Variants in SPRED2 observed in about 807,000 individuals in gnomAD.
SPRED2 encodes the protein sprouty-related, EVH1 domain-containing protein 2.
In SPRED2, 47 loss-of-function variants were observed where a neutral mutation model predicts 43.0. The ratio of observed to expected loss-of-function variants is 1.09; its 90% CI spans 0.87 to 1.40. The LOEUF is 1.40. SPRED2 is among the 40% of genes most tolerant of loss of function. The pLI, the probability that SPRED2 is intolerant of heterozygous loss-of-function variation, is 0.00. For missense variants in SPRED2, 561 were observed against 586.4 expected, an observed-to-expected ratio of 0.96 and a Z score of 0.45; for synonymous variants, 225 against 225.7, an observed-to-expected ratio of 1.00 and a Z score of 0.03.
intron 1 of SPRED2, among the ~76,000 whole-genome samples, chr2:65,431,705 G>T (rs943581849): frequency 1.2e-4 from 19 of 152,096 alleles, no homozygotes; most frequent in Non-Finnish European, 2.5e-4. Context: ...ACCGCCGGGA[G>T]GTCACCCGCA....
At chr2:65,358,751 G>T (rs1558667503) in intron 1 of SPRED2, among the ~76,000 whole-genome samples, 1 of 152,188 alleles carries the variant, frequency 6.6e-6, no homozygotes, top group Non-Finnish European at 1.5e-5. Context: ...GGGCAACTGG[G>T]TTCCCAATCC....
chr2:65,359,982 T>C (rs1238946041), intron 1 of SPRED2, among the ~76,000 whole-genome samples: 3 of 139,922 alleles, frequency 2.1e-5, no homozygotes, highest in Non-Finnish European at 4.5e-5. Flanking sequence ...GGAGAATCGC[T>C]AGAACCCCGG....
At chr2:65,308,207 G>T, downstream of SPRED2, 1 of 702,890 alleles carries the variant, frequency 1.4e-6, no homozygotes, top group Non-Finnish European at 1.7e-6. Flanking sequence ...GAAGCGGGGT[G>T]GGAGGTTCAG....
At chr2:65,321,332 T>A (rs536882901) in intron 4 of SPRED2, among the ~76,000 whole-genome samples, 119 of 152,092 alleles carry the variant, frequency 7.8e-4, no homozygotes, top group Non-Finnish European at 1.2e-3. Context: ...CTAAAAACAC[T>A]CTTGCCTTTG....
At chr2:65,362,426 C>T (rs193034969) in intron 1 of SPRED2, among the ~76,000 whole-genome samples, 17 of 152,238 alleles carry the variant, frequency 1.1e-4, no homozygotes, top group Non-Finnish European at 1.6e-4. Flanking sequence ...CCCGACACCA[C>T]GCCCAGCTAA....
At chr2:65,326,954 C>T (rs1282479153) in intron 4 of SPRED2, among the ~76,000 whole-genome samples, 1 of 152,140 alleles carries the variant, frequency 6.6e-6, no homozygotes, top group Non-Finnish European at 1.5e-5. Flanking sequence ...GATCCTCCCA[C>T]CTCAGCCTCC....
In SPRED2 at chr2:65,402,278, C is replaced by CAA. The variant is rs58209803; in HGVS notation, c.26+29682_26+29683dup. Among the ~76,000 whole-genome samples the CAA allele has an allele frequency of 3.9e-4, 25 of 64,398 alleles. 1 individual carries two copies. Among genetic ancestry groups the CAA allele is most frequent in the African/African-American group, 1.0e-3 (14 of 14,026 alleles). 42.2% of individuals were successfully genotyped at this position (64,398 alleles called of 152,430 possible). ...TGGGAGACAGAGTGAGACTCTGTCT[C>CAA]AAAAAAAAAAAAAAAAAAAAAAAAA... On this transcript the variant is annotated intron_variant, in intron 1 of 5. Coordinates refer to ENST00000356388, the MANE Select transcript of SPRED2 (RefSeq NM_181784.3).
chr2:65,351,834 T>C (rs1674520032), intron 1 of SPRED2, among the ~76,000 whole-genome samples: 1 of 152,092 alleles, frequency 6.6e-6, no homozygotes, highest in Non-Finnish European at 1.5e-5. Flanking sequence ...AGTCGGGTGG[T>C]GGTTTTGTGG....
At chr2:65,316,161 G>A (rs563157651) in intron 5 of SPRED2, among the ~76,000 whole-genome samples, 11 of 152,210 alleles carry the variant, frequency 7.2e-5, no homozygotes, top group Non-Finnish European at 1.3e-4. Flanking sequence ...CCATGATTTG[G>A]GAACTTGCTC....
intron 4 of SPRED2, among the ~76,000 whole-genome samples, chr2:65,326,212 C>T (rs914181982): frequency 6.6e-6 from 1 of 152,148 alleles, no homozygotes; most frequent in Non-Finnish European, 1.5e-5. Flanking sequence ...TAAGTATTTA[C>T]AACTCCCCCC....
intron 5 of SPRED2, among the ~76,000 whole-genome samples, chr2:65,316,257 G>GC (rs2104115926): frequency 6.6e-6 from 1 of 152,340 alleles, no homozygotes; most frequent in East Asian, 1.9e-4. Flanking sequence ...TGGGCCTGTA[G>GC]CCTGTAAGGC....
chr2:65,338,162 C>CT (rs1674025022), intron 2 of SPRED2, among the ~76,000 whole-genome samples: 1 of 132,702 alleles, frequency 7.5e-6, no homozygotes, highest in Admixed American at 7.5e-5. Flanking sequence ...CTCCCGTCTC[C>CT]CTCTCCCGTC....
At chr2:65,394,479 C>T (rs1675708166) in intron 1 of SPRED2, among the ~76,000 whole-genome samples, 2 of 152,134 alleles carry the variant, frequency 1.3e-5, no homozygotes, top group African/African-American at 2.4e-5. Flanking sequence ...ATGAGAAAGG[C>T]CTCTGGGTCA....
chr2:65,344,879 C>T lies in SPRED2; in HGVS notation c.44G>A (p.Arg15His), dbSNP rs201473537. 2.7e-5 allele frequency: 44 copies of T among 1,613,946 alleles called. No homozygotes were observed. Among genetic ancestry groups the T allele is most frequent in the Middle Eastern group, 1.6e-4 (1 of 6,084 alleles). Residue 15 changes from arginine to histidine, a missense_variant, in exon 2 of 6, where the codon CGT becomes CAT. Arg to His is a conservative substitution (Grantham distance 29). Coordinates refer to ENST00000356388, the MANE Select transcript of SPRED2 (RefSeq NM_181784.3). ...THPDDDSYIVRVKAVVMTRDD... is the reference protein window; with the variant it reads ...THPDDDSYIVHVKAVVMTRDD... ...TCTGGTCATAACCACAGCCTTGACACGCACAATATAGCTGTCACTAAAACG... is the reference window on the plus strand; with the variant it reads ...TCTGGTCATAACCACAGCCTTGACATGCACAATATAGCTGTCACTAAAACG...
At position 65,314,188 on chromosome 2, in the gene SPRED2, G is replaced by C. The variant is rs748102846; in HGVS notation, c.589-19C>G. On this transcript the variant is annotated intron_variant, in intron 5 of 5. Coordinates refer to ENST00000356388, the MANE Select transcript of SPRED2 (RefSeq NM_181784.3). The stretch of plus-strand genomic sequence containing the variant: ...GCATCGGCTGTCCCGTAGGAGAGGA[G>C]ACATTATTTTACAGCAGCGGCCAAA... 1.3e-6 allele frequency: 2 copies of C among 1,553,164 alleles called. No homozygotes were observed. The highest frequency in any genetic ancestry group is 1.7e-6 in the Non-Finnish European group (2 of 1,146,150).
intron 1 of SPRED2, among the ~76,000 whole-genome samples, chr2:65,403,241 T>C (rs1249861669): frequency 6.6e-6 from 1 of 152,196 alleles, no homozygotes; most frequent in Non-Finnish European, 1.5e-5. Context: ...TTACGGATAG[T>C]AGAGTCAACA....
At chr2:65,422,422 G>C (rs1202129060) in intron 1 of SPRED2, among the ~76,000 whole-genome samples, 2 of 152,160 alleles carry the variant, frequency 1.3e-5, no homozygotes, top group African/African-American at 4.8e-5. Flanking sequence ...TAGCATCCTA[G>C]AATGTAAGTG....
chr2:65,377,627 G>A (rs112416577), intron 1 of SPRED2: 1 of 471,220 alleles, frequency 2.1e-6, no homozygotes, highest in African/African-American at 2.0e-5. Context: ...TCCTTTCCTG[G>A]TCATCGTCTG....
At chr2:65,349,327 AAAAG>A (rs1674442378) in intron 1 of SPRED2, among the ~76,000 whole-genome samples, 1 of 151,744 alleles carries the variant, frequency 6.6e-6, no homozygotes. Flanking sequence ...AAAAAAAAAA[AAAAG>A]AATCTTCTGT....
Sources: gnomAD v4.1 joint callset for allele counts (sites outside exome capture counted in the v4.1 genomes callset) on GRCh38, gnomAD v4.1.1 for gene constraint, MANE v1.5 for transcripts, NCBI Gene and HGNC (gene_info 2026-07-23, HGNC 2026-07-21) for gene names.